NSMCE2: variants seen among roughly 807,000 people sequenced by gnomAD.
NSMCE2 encodes the protein NSE2 SUMO ligase component of SMC5/6 complex, also known as E3 SUMO-protein ligase NSE2.
NSMCE2 carries 24 observed loss-of-function variants against 23.8 expected under a neutral mutation model. The observed-to-expected ratio is 1.01, with a 90% CI of 0.73 to 1.42. The LOEUF (loss-of-function observed/expected upper bound fraction) is 1.42. Ranked by LOEUF, NSMCE2 falls within the 40% of genes most tolerant of loss-of-function variation. The pLI is 0.00. For synonymous variants in NSMCE2, 92 were observed against 94.1 expected (o/e 0.98, Z 0.13); for missense variants, 284 against 296.5 (o/e 0.96, Z 0.31).
intron 5 of NSMCE2, among the ~76,000 whole-genome samples, chr8:125,262,643 C>T (rs1442063976): frequency 1.3e-5 from 2 of 152,132 alleles, no homozygotes; most frequent in South Asian, 2.1e-4. Context: ...GAGCTCAATG[C>T]TTTTAGCTCC....
intron 3 of NSMCE2, among the ~76,000 whole-genome samples, chr8:125,110,690 G>C (rs1441279594): frequency 5.3e-5 from 8 of 149,966 alleles, no homozygotes; most frequent in Non-Finnish European, 2.9e-5. Flanking sequence ...AAAATGTATT[G>C]TGCCAGCGTC....
chr8:125,200,266 C>A (rs1405497567), intron 5 of NSMCE2, among the ~76,000 whole-genome samples: 2 of 152,236 alleles, frequency 1.3e-5, no homozygotes, highest in African/African-American at 4.8e-5. Context: ...TTCTTCCTAG[C>A]CTCGATGGTC....
chr8:125,336,664 T>C (rs1350020658), intron 5 of NSMCE2, among the ~76,000 whole-genome samples: 1 of 152,268 alleles, frequency 6.6e-6, no homozygotes, highest in Non-Finnish European at 1.5e-5. Context: ...ATCTGCCATG[T>C]GTGGCATTTT....
chr8:125,222,044 G>T (rs532687343), intron 5 of NSMCE2, among the ~76,000 whole-genome samples: 2 of 151,914 alleles, frequency 1.3e-5, no homozygotes, highest in East Asian at 3.9e-4. Context: ...TTATTTATAT[G>T]TATACTCATT....
chr8:125,156,601 C>A (rs950677782), intron 4 of NSMCE2, among the ~76,000 whole-genome samples: 1 of 151,826 alleles, frequency 6.6e-6, no homozygotes, highest in South Asian at 2.1e-4. Context: ...ATGGATATGC[C>A]CTATGTAGTG....
chr8:125,097,967 A>T (rs1278359817), intron 1 of NSMCE2, among the ~76,000 whole-genome samples: 1 of 152,074 alleles, frequency 6.6e-6, no homozygotes, highest in Non-Finnish European at 1.5e-5. Context: ...TATTACTGGC[A>T]TCTCTGTCTT....
chr8:125,300,216 T>C (rs941760739), intron 5 of NSMCE2, among the ~76,000 whole-genome samples: 2 of 151,866 alleles, frequency 1.3e-5, no homozygotes, highest in Non-Finnish European at 2.9e-5. Context: ...TCGCCCAGGC[T>C]AGAGTGCAGT....
chr8:125,179,919 A>G (rs1822715435), intron 4 of NSMCE2, among the ~76,000 whole-genome samples: 1 of 152,224 alleles, frequency 6.6e-6, no homozygotes. Flanking sequence ...AGATCATCCC[A>G]GATTACATAA....
intron 5 of NSMCE2, among the ~76,000 whole-genome samples, chr8:125,297,861 A>C (rs1341302531): frequency 1.3e-5 from 2 of 151,990 alleles, no homozygotes; most frequent in African/African-American, 4.8e-5. Context: ...TTACTTTTAC[A>C]ATATGCAAAG....
intron 5 of NSMCE2, among the ~76,000 whole-genome samples, chr8:125,293,390 G>T (rs1828192134): frequency 6.6e-6 from 1 of 152,214 alleles, no homozygotes; most frequent in African/African-American, 2.4e-5. Flanking sequence ...CTCAGATTTA[G>T]TTTGGCAAAT....
At chr8:125,166,503 G>A (rs1821885194) in intron 4 of NSMCE2, among the ~76,000 whole-genome samples, 1 of 152,218 alleles carries the variant, frequency 6.6e-6, no homozygotes, top group African/African-American at 2.4e-5. Context: ...CTGACTTCAA[G>A]CGATCTCCCC....
chr8:125,331,944 T>C (rs1351076220), intron 5 of NSMCE2, among the ~76,000 whole-genome samples: 1 of 152,200 alleles, frequency 6.6e-6, no homozygotes, highest in Non-Finnish European at 1.5e-5. Flanking sequence ...TTTCATTTAT[T>C]TGGCACTTTC....
At chr8:125,177,316 C>G (rs543589014) in intron 4 of NSMCE2, among the ~76,000 whole-genome samples, 1 of 152,166 alleles carries the variant, frequency 6.6e-6, no homozygotes, top group Non-Finnish European at 1.5e-5. Flanking sequence ...TCAGATCTGT[C>G]TGATCCCGAG....
intron 3 of NSMCE2, among the ~76,000 whole-genome samples, chr8:125,142,223 A>C (rs2130628961): frequency 6.6e-6 from 1 of 152,244 alleles, no homozygotes; most frequent in Non-Finnish European, 1.5e-5. Flanking sequence ...ACATTATCTC[A>C]TTTAGTCCTC....
chr8:125,122,068 C>T (rs1216867112), intron 3 of NSMCE2, among the ~76,000 whole-genome samples: 2 of 150,598 alleles, frequency 1.3e-5, no homozygotes, highest in Non-Finnish European at 3.0e-5. Flanking sequence ...TTTTGCAGAG[C>T]TCTGACACCG....
chr8:125,196,941 C>T (rs996322245), intron 5 of NSMCE2, among the ~76,000 whole-genome samples: 12 of 152,218 alleles, frequency 7.9e-5, no homozygotes, highest in South Asian at 2.1e-4. Flanking sequence ...TTGCATTTCT[C>T]TGATGACCAG....
intron 5 of NSMCE2, among the ~76,000 whole-genome samples, chr8:125,264,157 A>C (rs1405772467): frequency 6.6e-6 from 1 of 152,210 alleles, no homozygotes; most frequent in African/African-American, 2.4e-5. Flanking sequence ...AAAGCAGTAG[A>C]TGTGCTTGTT....
intron 5 of NSMCE2, among the ~76,000 whole-genome samples, chr8:125,296,268 A>G (rs2131179895): frequency 6.6e-6 from 1 of 152,296 alleles, no homozygotes; most frequent in South Asian, 2.1e-4. Context: ...GGTACATGAC[A>G]TATTGAATGA....
intron 5 of NSMCE2, among the ~76,000 whole-genome samples, chr8:125,332,824 G>A (rs1829927812): frequency 6.6e-6 from 1 of 152,210 alleles, no homozygotes; most frequent in South Asian, 2.1e-4. Flanking sequence ...AGTTGACCCT[G>A]TGAGAAGCCG....
Sources: allele counts gnomAD v4.1 joint callset (sites outside exome capture counted in the v4.1 genomes callset), GRCh38; gene constraint gnomAD v4.1.1; transcripts MANE v1.5; gene names NCBI Gene and HGNC (gene_info 2026-07-23, HGNC 2026-07-21).